The following GRM1 variants were observed in gnomAD, a reference collection of about 807,000 sequenced individuals.
GRM1 encodes glutamate metabotropic receptor 1.
GRM1 carries 33 observed loss-of-function variants against 90.9 expected under a neutral mutation model. That is an observed-to-expected ratio of 0.36 (90% CI 0.28 to 0.49). The LOEUF is 0.49. Among genes scored for constraint, GRM1 ranks in the 20% least tolerant of loss-of-function variants. GRM1 has a pLI of 0.99. For missense variants in GRM1, 1,190 were observed against 1,534.3 expected, an observed-to-expected ratio of 0.78 and a Z score of 3.75; for synonymous variants, 700 against 613.2, an observed-to-expected ratio of 1.14 and a Z score of -2.09.
intron 1 of GRM1, among the ~76,000 whole-genome samples, chr6:146,139,530 C>T (rs534727622): frequency 6.6e-6 from 1 of 152,192 alleles, no homozygotes; most frequent in South Asian, 2.1e-4. Flanking sequence ...ATTGTTATAT[C>T]CTCTTGGTGA....
At chr6:146,281,557 CA>C (rs1460971404) in intron 2 of GRM1, among the ~76,000 whole-genome samples, 2 of 152,082 alleles carry the variant, frequency 1.3e-5, no homozygotes, top group Non-Finnish European at 2.9e-5. Flanking sequence ...ATAGTTTTAG[CA>C]ATGTAATTTA....
At chr6:146,121,028 G>A (rs987392245) in intron 1 of GRM1, among the ~76,000 whole-genome samples, 18 of 152,272 alleles carry the variant, frequency 1.2e-4, no homozygotes, top group African/African-American at 4.3e-4. Flanking sequence ...ACTCCTCCTT[G>A]TACCTCTGGT....
At chr6:146,145,785 G>A (rs1242106216) in intron 1 of GRM1, among the ~76,000 whole-genome samples, 1 of 152,176 alleles carries the variant, frequency 6.6e-6, no homozygotes, top group Non-Finnish European at 1.5e-5. Context: ...GCCCATTGGA[G>A]CCATGAGAGT....
At chr6:146,068,914 G>T (rs1374878085) in intron 1 of GRM1, among the ~76,000 whole-genome samples, 11 of 152,108 alleles carry the variant, frequency 7.2e-5, no homozygotes, top group Non-Finnish European at 1.5e-4. Flanking sequence ...ATCATACTTT[G>T]AAAATGTAAG....
chr6:146,435,551 A>G lies in GRM1; in HGVS notation c.*755A>G, dbSNP rs1778569793. On this transcript the variant is annotated 3_prime_UTR_variant, in exon 8 of 8. Transcript: ENST00000282753. ...GGAATAAGAGCAAAATTATCACCAA[A>G]AAGTGCTTCATCAGGCGTGCTACAG... The G allele has an allele frequency of 6.5e-6, 1 of 152,880 alleles. No individual in the cohort carries two copies. The highest frequency in any genetic ancestry group is 6.5e-5 in the Admixed American group (1 of 15,342). The allele number at this position is 152,880 out of a possible 1,614,324, so 9.5% of individuals were successfully genotyped here. A position where few individuals can be genotyped will look rare whatever the true frequency, so the allele number is the denominator to read the frequency against.
chr6:146,227,575 G>T (rs1057263550), intron 2 of GRM1, among the ~76,000 whole-genome samples: 3 of 152,150 alleles, frequency 2.0e-5, no homozygotes, highest in African/African-American at 2.4e-5. Context: ...AGACCTTAGA[G>T]ATCCCATCAA....
At chr6:146,344,557 T>C (rs1785102854) in intron 3 of GRM1, among the ~76,000 whole-genome samples, 1 of 152,178 alleles carries the variant, frequency 6.6e-6, no homozygotes, top group Non-Finnish European at 1.5e-5. Flanking sequence ...AATTCTGGGA[T>C]AGATATTGAC....
At chr6:146,049,703 C>CT (rs1206804676) in intron 1 of GRM1, among the ~76,000 whole-genome samples, 1 of 148,456 alleles carries the variant, frequency 6.7e-6, no homozygotes, top group Non-Finnish European at 1.5e-5. Context: ...ATCTATCTAT[C>CT]ATCTCATGTT....
At chr6:146,136,254 A>G (rs934073695) in intron 1 of GRM1, among the ~76,000 whole-genome samples, 8 of 152,196 alleles carry the variant, frequency 5.3e-5, no homozygotes, top group African/African-American at 7.2e-5. Flanking sequence ...TAGTGCAGAT[A>G]TGTCTTCAAT....
At chr6:146,275,427 G>T (rs1583259771) in intron 2 of GRM1, among the ~76,000 whole-genome samples, 1 of 152,066 alleles carries the variant, frequency 6.6e-6, no homozygotes, top group African/African-American at 2.4e-5. Flanking sequence ...GGGTGAGAAG[G>T]CGTGGGAATC....
At chr6:146,320,457 T>C (rs1179326842) in intron 3 of GRM1, among the ~76,000 whole-genome samples, 1 of 152,210 alleles carries the variant, frequency 6.6e-6, no homozygotes, top group Non-Finnish European at 1.5e-5. Flanking sequence ...CAGATTTTGG[T>C]ATCAGGATGA....
intron 4 of GRM1, among the ~76,000 whole-genome samples, chr6:146,356,457 T>C (rs1024888226): frequency 1.3e-5 from 2 of 152,120 alleles, no homozygotes; most frequent in Non-Finnish European, 2.9e-5. Flanking sequence ...CTTTTACTAA[T>C]CTCATTCATG....
At chr6:146,250,537 C>T (rs1028298764) in intron 2 of GRM1, among the ~76,000 whole-genome samples, 7 of 152,186 alleles carry the variant, frequency 4.6e-5, no homozygotes, top group African/African-American at 1.4e-4. Context: ...TTGTAGGTTT[C>T]CTGAGGCCAC....
chr6:146,045,173 A>G (rs73576914), intron 1 of GRM1, among the ~76,000 whole-genome samples: 3,250 of 152,132 alleles, frequency 0.021, 111 homozygotes, highest in African/African-American at 0.074. Context: ...TGATTCTCAC[A>G]TAGGCAGAAA....
chr6:146,303,025 G>C (rs7774241), intron 2 of GRM1, among the ~76,000 whole-genome samples: 149,569 of 152,256 alleles, frequency 0.98, 73,475 homozygotes, highest in East Asian at 1. Context: ...CTCTACTGTA[G>C]CTCAAAGTCC....
At chr6:146,065,755 G>A (rs1305629600) in intron 1 of GRM1, among the ~76,000 whole-genome samples, 2 of 152,136 alleles carry the variant, frequency 1.3e-5, no homozygotes, top group East Asian at 3.9e-4. Context: ...AGGAATGTTG[G>A]GTAAGTACAA....
At chr6:146,310,413 C>T (rs948596857) in intron 3 of GRM1, among the ~76,000 whole-genome samples, 4 of 152,148 alleles carry the variant, frequency 2.6e-5, no homozygotes, top group Non-Finnish European at 4.4e-5. Flanking sequence ...TTGGTAATAA[C>T]TTCTCTTTAT....
At chr6:146,039,988 T>A (rs1791037413) in intron 1 of GRM1, among the ~76,000 whole-genome samples, 1 of 152,022 alleles carries the variant, frequency 6.6e-6, no homozygotes, top group Admixed American at 6.6e-5. Context: ...AAGAGAGTTA[T>A]ATTTGAAATT....
intron 2 of GRM1, among the ~76,000 whole-genome samples, chr6:146,289,750 G>T (rs185292939): frequency 6.6e-6 from 1 of 152,080 alleles, no homozygotes; most frequent in African/African-American, 2.4e-5. Context: ...ATGTCCTAGC[G>T]TTGTGTTACA....
Sources: allele counts gnomAD v4.1 joint callset (sites outside exome capture counted in the v4.1 genomes callset), GRCh38; gene constraint gnomAD v4.1.1; transcripts MANE v1.5; gene names NCBI Gene and HGNC (gene_info 2026-07-23, HGNC 2026-07-21).